UVRAG: variants seen among roughly 807,000 people sequenced by gnomAD.
The protein encoded by UVRAG is UV radiation resistance associated, also known as UV radiation resistance-associated gene protein.
In UVRAG, 19 loss-of-function variants were observed where a neutral mutation model predicts 78.0. That is an observed-to-expected ratio of 0.24 (90% CI 0.17 to 0.36). The LOEUF (loss-of-function observed/expected upper bound fraction) is 0.36. Among genes scored for constraint, UVRAG ranks in the 10% least tolerant of loss-of-function variants. The pLI is 1.00. For synonymous variants in UVRAG, 323 were observed against 324.6 expected (o/e 1.00, Z 0.05); for missense variants, 740 against 853.8 (o/e 0.87, Z 1.66).
chr11:76,022,319 C>T (rs1282779263), intron 12 of UVRAG, among the ~76,000 whole-genome samples: 2 of 152,066 alleles, frequency 1.3e-5, no homozygotes, highest in East Asian at 3.9e-4. Context: ...TTATGATGTT[C>T]TCAAGTCCTC....
In UVRAG at chr11:75,851,946, C is replaced by T. The variant is rs1379952999; in HGVS notation, c.181C>T (p.Leu61Phe). ...CATTGTTAATAGAAATGGCCATCAG[C>T]TCCTTGATACCTACTTTACACTTCA... The part of the protein sequence containing the change: ...RNIVNRNGHQ[L>F]LDTYFTLHLC... Residue 61 changes from leucine to phenylalanine, a missense_variant, in exon 2 of 15, where the codon CTC becomes TTC. Coordinates refer to ENST00000356136, the MANE Select transcript of UVRAG (RefSeq NM_003369.4). The T allele has an allele frequency of 2.5e-6, 4 of 1,614,042 alleles. No homozygotes were observed. The highest frequency in any genetic ancestry group is 1.1e-5 in the South Asian group (1 of 91,058).
rs569327712 is a variant in UVRAG at position 75,815,611 on chromosome 11, C to T, written c.117+87C>T. On this transcript the variant is annotated intron_variant, in intron 1 of 14. Coordinates refer to ENST00000356136, the MANE Select transcript of UVRAG (RefSeq NM_003369.4). ...CTGGCTCCGGGCTGACCCCGCGAGC[C>T]GGGACACCCAGAGCAGGGACCCGGA... is the stretch of plus-strand genomic sequence containing the variant. The T allele has an allele frequency of 3.6e-5, 31 of 863,996 alleles. No homozygotes were observed. The South Asian group carries it at 7.8e-4, about 22-fold the overall frequency. 53.5% of individuals were successfully genotyped at this position (863,996 alleles called of 1,614,324 possible).
At chr11:76,003,882 C>T in intron 8 of UVRAG, 123 bp from the exon 9 acceptor site, 1 of 868,114 alleles carries the variant, frequency 1.2e-6, no homozygotes, top group Non-Finnish European at 1.8e-6. Flanking sequence ...TCTCTGTACT[C>T]AACCCACTTT....
At chr11:75,977,843 T>C (rs1474648238) in intron 7 of UVRAG, among the ~76,000 whole-genome samples, 2 of 152,236 alleles carry the variant, frequency 1.3e-5, no homozygotes, top group Admixed American at 6.5e-5. Flanking sequence ...TCTGTGTCTT[T>C]TAATTGGAGC....
At chr11:76,063,888 T>A (rs1391586547) in intron 12 of UVRAG, among the ~76,000 whole-genome samples, 1 of 152,240 alleles carries the variant, frequency 6.6e-6, no homozygotes, top group African/African-American at 2.4e-5. Context: ...GATTGATAGA[T>A]CTATAAATAC....
At chr11:75,828,147 TA>T (rs1236551256) in intron 1 of UVRAG, among the ~76,000 whole-genome samples, 4 of 152,184 alleles carry the variant, frequency 2.6e-5, no homozygotes, top group Admixed American at 6.5e-5. Context: ...GGTACCATTA[TA>T]GAATTATATA....
intron 1 of UVRAG, among the ~76,000 whole-genome samples, chr11:75,823,812 T>C (rs1945453400): frequency 6.6e-6 from 1 of 152,236 alleles, no homozygotes. Context: ...ACTGTGCTGA[T>C]GATTTAGTAG....
intron 14 of UVRAG, among the ~76,000 whole-genome samples, chr11:76,116,277 G>T (rs914873586): frequency 6.6e-6 from 1 of 152,196 alleles, no homozygotes; most frequent in Non-Finnish European, 1.5e-5. Context: ...AGCCCTTGAG[G>T]GCATTGCTGA....
chr11:75,846,396 T>G (rs906650023), intron 1 of UVRAG, among the ~76,000 whole-genome samples: 1 of 152,228 alleles, frequency 6.6e-6, no homozygotes, highest in African/African-American at 2.4e-5. Flanking sequence ...TAAATTTTAA[T>G]TAAGTCCCAT....
chr11:76,095,870 C>CAAAAAA (rs747792893), intron 13 of UVRAG, among the ~76,000 whole-genome samples: 1 of 45,964 alleles, frequency 2.2e-5, no homozygotes, highest in East Asian at 6.5e-4. Flanking sequence ...GACTCTGTCT[C>CAAAAAA]AAAAAAAAAA....
chr11:75,980,735 G>A (rs1949373856), intron 7 of UVRAG, among the ~76,000 whole-genome samples: 1 of 150,088 alleles, frequency 6.7e-6, no homozygotes, highest in Admixed American at 6.6e-5. Flanking sequence ...AGGCTGGAGT[G>A]TAATGGCGTG....
At chr11:76,120,033 C>T (rs1359571778) in intron 14 of UVRAG, among the ~76,000 whole-genome samples, 1 of 152,226 alleles carries the variant, frequency 6.6e-6, no homozygotes, top group Non-Finnish European at 1.5e-5. Flanking sequence ...ACTCACTCTT[C>T]CTCTGTGTAG....
chr11:75,999,218 G>A (rs1458061534), intron 8 of UVRAG, among the ~76,000 whole-genome samples: 1 of 128,102 alleles, frequency 7.8e-6, no homozygotes, highest in East Asian at 2.3e-4. Context: ...GGGTGACCGG[G>A]CAAGACTCTG....
intron 14 of UVRAG, among the ~76,000 whole-genome samples, chr11:76,130,482 G>A (rs1161717864): frequency 6.6e-6 from 1 of 152,222 alleles, no homozygotes; most frequent in Non-Finnish European, 1.5e-5. Flanking sequence ...TCCTTTAGGA[G>A]TATAGGGGAC....
chr11:75,933,765 A>T (rs570265370), intron 6 of UVRAG, among the ~76,000 whole-genome samples: 7 of 152,366 alleles, frequency 4.6e-5, no homozygotes, highest in African/African-American at 1.7e-4. Context: ...AACATCACTG[A>T]TCATCAGAGA....
rs562694067 is a variant in UVRAG, at chr11:75,932,662, A to C, written c.593+20623A>C. On this transcript the variant is annotated intron_variant, in intron 6 of 14. Transcript: ENST00000356136. ...GTTAGAACTGATAAACACATTCATT[A>C]AAGTTGCAGGATACAAAATAAACAT... Among the ~76,000 whole-genome samples the C allele has an allele frequency of 3.9e-5, 6 of 152,348 alleles. No individual in the cohort carries two copies. The South Asian group carries it at 1.2e-3, about 32-fold the overall frequency.
At chr11:75,920,849 T>G (rs1206680203) in intron 6 of UVRAG, among the ~76,000 whole-genome samples, 1 of 152,230 alleles carries the variant, frequency 6.6e-6, no homozygotes, top group East Asian at 1.9e-4. Context: ...ATACTTGGGT[T>G]TCTTGTTCAA....
intron 13 of UVRAG, among the ~76,000 whole-genome samples, chr11:76,086,244 A>G (rs1209851154): frequency 6.6e-6 from 1 of 152,196 alleles, no homozygotes; most frequent in Non-Finnish European, 1.5e-5. Context: ...CATGTATTCT[A>G]GAAAGATTTG....
intron 1 of UVRAG, among the ~76,000 whole-genome samples, chr11:75,820,015 C>A (rs2135800693): frequency 6.6e-6 from 1 of 152,282 alleles, no homozygotes; most frequent in East Asian, 1.9e-4. Flanking sequence ...GAGACAAGAT[C>A]TTGCTCTGTT....
Sources: allele counts gnomAD v4.1 joint callset (sites outside exome capture counted in the v4.1 genomes callset), GRCh38; gene constraint gnomAD v4.1.1; transcripts MANE v1.5; gene names NCBI Gene and HGNC (gene_info 2026-07-23, HGNC 2026-07-21).